Variants in ADD2 observed in about 807,000 individuals in gnomAD.
ADD2 encodes the protein adducin 2.
ADD2 carries 23 observed loss-of-function variants against 83.0 expected under a neutral mutation model. That is an observed-to-expected ratio of 0.28 (90% CI 0.20 to 0.39). The LOEUF (loss-of-function observed/expected upper bound fraction) is 0.39. Among genes scored for constraint, ADD2 ranks in the 10% least tolerant of loss-of-function variants. The probability of loss-of-function intolerance (pLI) is 1.00; values close to 1 mark genes in which losing one functional copy is unlikely to be tolerated. For synonymous variants in ADD2, 375 were observed against 375.4 expected, an observed-to-expected ratio of 1.00 and a Z score of 0.01; for missense variants, 758 against 944.9, an observed-to-expected ratio of 0.80 and a Z score of 2.59.
In ADD2 at chr2:70,677,823, C is replaced by T. The variant is rs781930613; in HGVS notation, c.1438G>A (p.Glu480Lys). Residue 480 changes from glutamate (E) to lysine (K), a missense_variant, in exon 12 of 16, where the codon GAA (glutamate) becomes AAA (lysine). Physicochemically the swap from Glu to Lys is moderately conservative, Grantham distance 56. Coordinates refer to ENST00000264436, the MANE Select transcript of ADD2 (RefSeq NM_001617.4). ...AGAGGCACAAATTGGTTTGGGTTTTCGATGCGAATCGGCATGCCACTGCTG... is the reference window on the plus strand; with the variant it reads ...AGAGGCACAAATTGGTTTGGGTTTTTGATGCGAATCGGCATGCCACTGCTG... ...KSSSGMPIRI[E>K]NPNQFVPLYT... is the part of the protein sequence containing the mutation. The T allele has an allele frequency of 2.5e-6, 4 of 1,614,098 alleles. No individual in the cohort carries two copies. Among genetic ancestry groups the T allele is most frequent in the Non-Finnish European group, 3.4e-6 (4 of 1,180,050 alleles).
intron 15 of ADD2, among the ~76,000 whole-genome samples, chr2:70,670,575 A>G (rs1669855263): frequency 6.6e-6 from 1 of 152,186 alleles, no homozygotes. Flanking sequence ...GCCTTCAGAG[A>G]GGCTGATGGG....
intron 1 of ADD2, among the ~76,000 whole-genome samples, chr2:70,727,850 CGT>C (rs1558563481): frequency 1.3e-5 from 2 of 151,766 alleles, no homozygotes; most frequent in Non-Finnish European, 2.9e-5. Flanking sequence ...GAGCTGAGAT[CGT>C]GCCACTGCAC....
chr2:70,759,612 TAAG>T lies in ADD2; in HGVS notation c.-154+8271_-154+8273del, dbSNP rs1449818610. ...TTTCATTCCCATGACAGCTGGTTGT[TAAG>T]AAGAGCCTGGCATCTCCTCCCCTCT... On this transcript the variant is annotated intron_variant, in intron 1 of 15. Coordinates refer to ENST00000264436, the MANE Select transcript of ADD2 (RefSeq NM_001617.4). 6.6e-5 allele frequency among the ~76,000 whole-genome samples: 10 copies of T among 152,210 alleles called. 1 individual carries two copies. Among genetic ancestry groups the T allele is most frequent in the Admixed American group, 5.2e-4 (8 of 15,290 alleles).
intron 1 of ADD2, among the ~76,000 whole-genome samples, chr2:70,725,902 A>C (rs528366802): frequency 1.4e-3 from 210 of 152,282 alleles, no homozygotes; most frequent in African/African-American, 4.5e-3. Flanking sequence ...TTGCTGGTCC[A>C]CAAACCATAC....
At chr2:70,682,204 A>C (rs1290452460) in intron 10 of ADD2, among the ~76,000 whole-genome samples, 1 of 152,234 alleles carries the variant, frequency 6.6e-6, no homozygotes, top group Non-Finnish European at 1.5e-5. Flanking sequence ...TCAACGTTCA[A>C]AGAAAAATTG....
chr2:70,679,214 G>C (rs1290429668), intron 10 of ADD2, among the ~76,000 whole-genome samples: 2 of 152,070 alleles, frequency 1.3e-5, no homozygotes, highest in African/African-American at 4.8e-5. Flanking sequence ...CTAGACCTTT[G>C]TGGACCAGAT....
chr2:70,745,170 C>T (rs1205235525), intron 1 of ADD2, among the ~76,000 whole-genome samples: 6 of 151,996 alleles, frequency 3.9e-5, no homozygotes, highest in African/African-American at 1.5e-4. Flanking sequence ...CCTGTAGTCC[C>T]AACTACTCGG....
At chr2:70,674,452 A>T (rs1670036566) in intron 14 of ADD2, among the ~76,000 whole-genome samples, 1 of 152,212 alleles carries the variant, frequency 6.6e-6, no homozygotes, top group African/African-American at 2.4e-5. Flanking sequence ...CTCTAAGCAC[A>T]TTACAAGTAT....
At chr2:70,731,697 T>C (rs1673290507) in intron 1 of ADD2, among the ~76,000 whole-genome samples, 1 of 152,188 alleles carries the variant, frequency 6.6e-6, no homozygotes, top group Non-Finnish European at 1.5e-5. Context: ...GCTGCACAGA[T>C]CTCTTGCTGG....
At chr2:70,700,531 T>C (rs552916927) in intron 4 of ADD2, among the ~76,000 whole-genome samples, 1 of 152,098 alleles carries the variant, frequency 6.6e-6, no homozygotes, top group Admixed American at 6.5e-5. Context: ...TTTATGCTGC[T>C]CTAGAAAATA....
chr2:70,677,589 G>A (rs1326508718), intron 12 of ADD2, among the ~76,000 whole-genome samples, 169 bp downstream of exon 12: 4 of 152,170 alleles, frequency 2.6e-5, no homozygotes, highest in Admixed American at 2.6e-4. Flanking sequence ...GGAGTACAGC[G>A]CTTAGCACAG....
At chr2:70,701,652 G>A (rs968819563) in intron 4 of ADD2, among the ~76,000 whole-genome samples, 1 of 151,850 alleles carries the variant, frequency 6.6e-6, no homozygotes, top group Non-Finnish European at 1.5e-5. Flanking sequence ...ATTTAAATAA[G>A]AGTTCAATAA....
chr2:70,663,942 C>T (rs1242375511), intron 15 of ADD2, among the ~76,000 whole-genome samples: 1 of 152,078 alleles, frequency 6.6e-6, no homozygotes, highest in Non-Finnish European at 1.5e-5. Context: ...CCTGGGAACA[C>T]CCCCTTGCAG....
chr2:70,704,265 C>CCCCCCCCCCCCCCCCCCCCCCA, intron 4 of ADD2, 56 bp downstream of exon 4: 1 of 442,438 alleles, frequency 2.3e-6, no homozygotes, highest in Non-Finnish European at 4.5e-6. Context: ...CCCTCTCTTC[C>CCCCCCCCCCCCCCCCCCCCCCA]CCACCCCACC....
intron 4 of ADD2, among the ~76,000 whole-genome samples, chr2:70,699,597 C>T (rs1326815147): frequency 2.0e-5 from 3 of 152,006 alleles, no homozygotes; most frequent in African/African-American, 7.2e-5. Flanking sequence ...CTGGGCAACA[C>T]AGTGAGAACT....
intron 7 of ADD2, 137 bp downstream of exon 7, chr2:70,692,266 C>T (rs1553371794): frequency 7.3e-6 from 7 of 965,480 alleles, no homozygotes; most frequent in Middle Eastern, 2.2e-4. Flanking sequence ...AGAGGCTGGG[C>T]GTTTCCACGT....
chr2:70,675,606 C>T (rs541179173), intron 13 of ADD2: 1 of 985,420 alleles, frequency 1.0e-6, no homozygotes. Flanking sequence ...TCATCTTGGC[C>T]TTTGAGGATG....
At chr2:70,756,810 T>G (rs991513696) in intron 1 of ADD2, among the ~76,000 whole-genome samples, 2 of 152,178 alleles carry the variant, frequency 1.3e-5, no homozygotes. Flanking sequence ...GCAAGTAAGC[T>G]TCAACCTTGA....
chr2:70,749,734 G>A (rs541747507), intron 1 of ADD2, among the ~76,000 whole-genome samples: 4 of 152,090 alleles, frequency 2.6e-5, no homozygotes, highest in Admixed American at 6.5e-5. Flanking sequence ...GTAGTTAAAG[G>A]CTGGAAATGG....
Sources: gnomAD v4.1 joint callset for allele counts (sites outside exome capture counted in the v4.1 genomes callset) on GRCh38, gnomAD v4.1.1 for gene constraint, MANE v1.5 for transcripts, NCBI Gene and HGNC (gene_info 2026-07-23, HGNC 2026-07-21) for gene names.